TRABD2B: variants seen among roughly 807,000 people sequenced by gnomAD.
TRABD2B encodes metalloprotease TIKI2.
In TRABD2B, 14 loss-of-function variants were observed where a neutral mutation model predicts 40.1. That is an observed-to-expected ratio of 0.35 (90% CI 0.23 to 0.55). TRABD2B has a LOEUF of 0.55. TRABD2B is among the 20% of genes least tolerant of loss of function. The probability of loss-of-function intolerance (pLI) is 0.90; values close to 1 mark genes in which losing one functional copy is unlikely to be tolerated. For missense variants in TRABD2B, 541 were observed against 648.6 expected, an observed-to-expected ratio of 0.83 and a Z score of 1.80; for synonymous variants, 263 against 277.0, an observed-to-expected ratio of 0.95 and a Z score of 0.50.
At chr1:47,767,780 C>T (rs1644324874) in intron 6 of TRABD2B, among the ~76,000 whole-genome samples, 1 of 152,240 alleles carries the variant, frequency 6.6e-6, no homozygotes, top group Non-Finnish European at 1.5e-5. Context: ...CTTCCCACTG[C>T]TTGCCCCACC....
intron 2 of TRABD2B, among the ~76,000 whole-genome samples, chr1:47,943,518 A>G (rs1185367473): frequency 6.6e-6 from 1 of 152,144 alleles, no homozygotes; most frequent in Non-Finnish European, 1.5e-5. Context: ...TCAGAGTCCA[A>G]TTCTTCATTA....
At chr1:47,967,501 T>A (rs1189913650) in intron 2 of TRABD2B, among the ~76,000 whole-genome samples, 1 of 152,208 alleles carries the variant, frequency 6.6e-6, no homozygotes, top group Non-Finnish European at 1.5e-5. Context: ...CCTCACCATC[T>A]TCACCTGAAA....
At chr1:47,825,082 G>A (rs962475877) in intron 2 of TRABD2B, among the ~76,000 whole-genome samples, 1 of 152,216 alleles carries the variant, frequency 6.6e-6, no homozygotes, top group African/African-American at 2.4e-5. Context: ...AGAGCGGGCT[G>A]TGGGAGGAGC....
At chr1:47,850,204 C>T (rs1645529182) in intron 2 of TRABD2B, among the ~76,000 whole-genome samples, 1 of 152,232 alleles carries the variant, frequency 6.6e-6, no homozygotes, top group Non-Finnish European at 1.5e-5. Flanking sequence ...CTCACAGGAG[C>T]TGGCCCAGTC....
intron 3 of TRABD2B, among the ~76,000 whole-genome samples, chr1:47,799,091 C>T (rs1326641359): frequency 6.6e-6 from 1 of 152,220 alleles, no homozygotes; most frequent in Non-Finnish European, 1.5e-5. Flanking sequence ...AAAGGCAAAT[C>T]AGTGGTCTGG....
intron 2 of TRABD2B, among the ~76,000 whole-genome samples, chr1:47,809,677 T>C (rs1644937795): frequency 6.6e-6 from 1 of 152,202 alleles, no homozygotes; most frequent in Non-Finnish European, 1.5e-5. Flanking sequence ...ACTACCTCCC[T>C]GCTTCCTGTT....
chr1:47,919,497 A>C (rs1644873991), intron 2 of TRABD2B, among the ~76,000 whole-genome samples: 1 of 152,244 alleles, frequency 6.6e-6, no homozygotes. Flanking sequence ...CTCCAAGGGA[A>C]GCTGGAAAAA....
At chr1:47,896,207 G>A (rs1051605084) in intron 2 of TRABD2B, among the ~76,000 whole-genome samples, 1 of 152,200 alleles carries the variant, frequency 6.6e-6, no homozygotes, top group African/African-American at 2.4e-5. Flanking sequence ...CAGGGCTGCC[G>A]CACAAAGGGA....
rs1478314358 is a variant in TRABD2B, at chr1:47,801,596, G to T, written c.690C>A (p.Thr230=). 1 of 1,535,822 alleles carries T rather than the reference G, an allele frequency of 6.5e-7. No homozygotes were observed. The highest frequency in any genetic ancestry group is 8.7e-7 in the Non-Finnish European group (1 of 1,146,792). ...FSQVLFALNQ[T]LLQQESVRAG... ...CCCGCACACTCTCCTGCTGCAGCAG[G>T]GTTTGGTTCAGGGCAAACAGCACCT... Residue 230 remains threonine, a synonymous_variant, in exon 3 of 7, where the codon ACC becomes ACA. Transcript: ENST00000606738.
At chr1:47,814,036 A>G (rs1039115830) in intron 2 of TRABD2B, among the ~76,000 whole-genome samples, 1 of 152,280 alleles carries the variant, frequency 6.6e-6, no homozygotes, top group Non-Finnish European at 1.5e-5. Flanking sequence ...GGGGACCACA[A>G]ACAGGATTCC....
chr1:47,777,966 C>T (rs1306896466), intron 5 of TRABD2B, among the ~76,000 whole-genome samples: 1 of 152,140 alleles, frequency 6.6e-6, no homozygotes, highest in Non-Finnish European at 1.5e-5. Context: ...TGGGTATGCC[C>T]TGGCAGGAAA....
intron 2 of TRABD2B, among the ~76,000 whole-genome samples, chr1:47,975,072 T>G (rs1172943681): frequency 2.0e-5 from 3 of 152,122 alleles, no homozygotes; most frequent in African/African-American, 7.2e-5. Context: ...TAAGTAAACG[T>G]GATACAGTAC....
intron 4 of TRABD2B, among the ~76,000 whole-genome samples, chr1:47,779,671 C>T (rs1289116994): frequency 6.6e-6 from 1 of 152,038 alleles, no homozygotes; most frequent in African/African-American, 2.4e-5. Flanking sequence ...GTCTCCCCCA[C>T]CTGCTCAATG....
At chr1:47,821,681 C>G (rs780173709) in intron 2 of TRABD2B, among the ~76,000 whole-genome samples, 40 of 152,064 alleles carry the variant, frequency 2.6e-4, no homozygotes, top group Non-Finnish European at 4.6e-4. Flanking sequence ...TGCCTCAGTC[C>G]AGCCCAGTAG....
chr1:47,899,367 C>T (rs184402659), intron 2 of TRABD2B, among the ~76,000 whole-genome samples: 1 of 152,362 alleles, frequency 6.6e-6, no homozygotes, highest in African/African-American at 2.4e-5. Flanking sequence ...TAGAGAATCA[C>T]AGATCAGTAA....
chr1:47,990,622 C>A (rs942516135), intron 2 of TRABD2B, among the ~76,000 whole-genome samples: 3 of 151,342 alleles, frequency 2.0e-5, no homozygotes, highest in Non-Finnish European at 4.4e-5. Flanking sequence ...TTTAACCCAT[C>A]AACAACCTCC....
At chr1:47,838,453 C>T (rs1205311730) in intron 2 of TRABD2B, among the ~76,000 whole-genome samples, 1 of 152,166 alleles carries the variant, frequency 6.6e-6, no homozygotes, top group Non-Finnish European at 1.5e-5. Context: ...GTCTGAGGTT[C>T]CTGCAGGCTC....
At chr1:47,960,614 G>A (rs561613228) in intron 2 of TRABD2B, among the ~76,000 whole-genome samples, 1 of 152,266 alleles carries the variant, frequency 6.6e-6, no homozygotes, top group East Asian at 1.9e-4. Flanking sequence ...ATTCACAACT[G>A]CTACAAAGAG....
At chr1:47,899,827 CTGCTGTCAG>C (rs1267979695) in intron 2 of TRABD2B, among the ~76,000 whole-genome samples, 1 of 152,160 alleles carries the variant, frequency 6.6e-6, no homozygotes. Flanking sequence ...GTTGCCCCAG[CTGCTGTCAG>C]TGCTGTCAGA....
Sources: allele counts gnomAD v4.1 joint callset (sites outside exome capture counted in the v4.1 genomes callset), GRCh38; gene constraint gnomAD v4.1.1; transcripts MANE v1.5; gene names NCBI Gene and HGNC (gene_info 2026-07-23, HGNC 2026-07-21).